The following PCDH15 variants were observed in gnomAD, a reference collection of about 807,000 sequenced individuals.
PCDH15 encodes the protein protocadherin related 15.
A neutral mutation model predicts 178.5 loss-of-function variants in PCDH15; 129 were observed. The ratio of observed to expected loss-of-function variants is 0.72; its 90% CI spans 0.63 to 0.84. The LOEUF (loss-of-function observed/expected upper bound fraction) is 0.84, where lower values mean the gene tolerates loss of function less well. Ranked by LOEUF, PCDH15 falls within the 40% of genes least tolerant of loss-of-function variation. The pLI, the probability that PCDH15 is intolerant of heterozygous loss-of-function variation, is 0.00. For synonymous variants in PCDH15, 800 were observed against 732.0 expected (o/e 1.09, Z -1.50); for missense variants, 2,230 against 2,099.9 (o/e 1.06, Z -1.21).
chr10:54,734,684 C>T (rs987207409), intron 1 of PCDH15, among the ~76,000 whole-genome samples: 4 of 151,820 alleles, frequency 2.6e-5, no homozygotes, highest in Non-Finnish European at 5.9e-5. Context: ...GAAAAATGAG[C>T]TCTGGTAATC....
chr10:54,603,891 G>A (rs971701124), intron 2 of PCDH15, among the ~76,000 whole-genome samples: 1 of 152,010 alleles, frequency 6.6e-6, no homozygotes, highest in Non-Finnish European at 1.5e-5. Context: ...TAGTGCATTG[G>A]CAATGGAAAA....
intron 1 of PCDH15, among the ~76,000 whole-genome samples, chr10:54,689,802 T>C (rs2095083330): frequency 6.6e-6 from 1 of 152,190 alleles, no homozygotes; most frequent in African/African-American, 2.4e-5. Flanking sequence ...GAGTGTGCTC[T>C]ATAAGACAAG....
At chr10:54,622,632 A>AT (rs2093401286) in intron 2 of PCDH15, among the ~76,000 whole-genome samples, 1 of 41,898 alleles carries the variant, frequency 2.4e-5, no homozygotes, top group African/African-American at 1.0e-4. Flanking sequence ...TATATAATAT[A>AT]TATTATATAA....
At chr10:53,904,274 CA>C (rs2082521605) in intron 25 of PCDH15, among the ~76,000 whole-genome samples, 1 of 152,030 alleles carries the variant, frequency 6.6e-6, no homozygotes, top group Non-Finnish European at 1.5e-5. Flanking sequence ...CAGTTATGAA[CA>C]AACGGCAATT....
chr10:54,821,051 A>C (rs1287010554), intron 3 of PCDH15, among the ~76,000 whole-genome samples: 1 of 152,036 alleles, frequency 6.6e-6, no homozygotes, highest in Non-Finnish European at 1.5e-5. Context: ...AATTCTTTGC[A>C]CTTCTACTTA....
intron 1 of PCDH15, among the ~76,000 whole-genome samples, chr10:54,798,796 TA>T (rs1952331596): frequency 6.6e-6 from 1 of 152,082 alleles, no homozygotes. Flanking sequence ...CAATAAAATG[TA>T]AATGTATATG....
At chr10:54,372,364 C>G (rs147041507) in intron 4 of PCDH15, among the ~76,000 whole-genome samples, 38 of 151,940 alleles carry the variant, frequency 2.5e-4, no homozygotes, top group African/African-American at 8.9e-4. Flanking sequence ...AACCAGGTCA[C>G]CTGGAACAGT....
intron 2 of PCDH15, among the ~76,000 whole-genome samples, chr10:54,950,800 C>G (rs1198663086): frequency 6.6e-6 from 1 of 151,846 alleles, no homozygotes; most frequent in East Asian, 1.9e-4. Context: ...GATTACAATA[C>G]AAGACAAGAT....
intron 3 of PCDH15, among the ~76,000 whole-genome samples, chr10:54,847,111 C>T (rs563931455): frequency 2.0e-5 from 3 of 152,260 alleles, no homozygotes; most frequent in Admixed American, 6.5e-5. Flanking sequence ...ATTTTACTAA[C>T]TGCTCCCTAC....
At chr10:53,933,402 C>A (rs1017768319) in intron 25 of PCDH15, among the ~76,000 whole-genome samples, 20 of 151,604 alleles carry the variant, frequency 1.3e-4, no homozygotes, top group African/African-American at 4.6e-4. Flanking sequence ...CAATTCCCAC[C>A]TATGAGTGAG....
chr10:54,263,212 G>A (rs1332391300), intron 8 of PCDH15, among the ~76,000 whole-genome samples: 1 of 152,152 alleles, frequency 6.6e-6, no homozygotes, highest in South Asian at 2.1e-4. Flanking sequence ...GGTCTCTGGA[G>A]AGTTGTGTCC....
rs571966491 is a variant in PCDH15, at chr10:54,201,216, A to G, written c.1099-5327T>C. 4.6e-5 allele frequency among the ~76,000 whole-genome samples: 7 copies of G among 152,304 alleles called. No homozygotes were observed. In the South Asian group the frequency reaches 1.4e-3, roughly 32 times the overall value. On this transcript the variant is annotated intron_variant, in intron 10 of 37. Coordinates refer to ENST00000644397, the MANE Select transcript of PCDH15 (RefSeq NM_001384140.1). ...GTTCCATCTTCTCATTTCACAATACAGTATTAGCAGATTATATATGCCAAG... is the reference window on the plus strand; with the variant it reads ...GTTCCATCTTCTCATTTCACAATACGGTATTAGCAGATTATATATGCCAAG...
At chr10:54,484,340 G>A (rs1271242567) in intron 3 of PCDH15, among the ~76,000 whole-genome samples, 2 of 151,798 alleles carry the variant, frequency 1.3e-5, no homozygotes, top group South Asian at 2.1e-4. Flanking sequence ...TGCACTCAAG[G>A]GACTCACTCA....
intron 21 of PCDH15, among the ~76,000 whole-genome samples, chr10:53,983,013 CTTA>C (rs1159529883): frequency 2.0e-5 from 3 of 151,946 alleles, no homozygotes; most frequent in Non-Finnish European, 2.9e-5. Flanking sequence ...GAATACCAAA[CTTA>C]TTATTATCAT....
intron 26 of PCDH15, among the ~76,000 whole-genome samples, chr10:53,879,952 G>A (rs1037772103): frequency 7.9e-5 from 12 of 152,152 alleles, no homozygotes; most frequent in Non-Finnish European, 1.5e-4. Flanking sequence ...GCGGCTAGCC[G>A]TAACTTTATA....
At chr10:54,896,567 T>C (rs1429740382) in intron 3 of PCDH15, among the ~76,000 whole-genome samples, 2 of 151,618 alleles carry the variant, frequency 1.3e-5, no homozygotes. Context: ...GTAATATGAA[T>C]GCCAAGTCAT....
chr10:55,059,203 T>TA (rs942118612), intron 2 of PCDH15, among the ~76,000 whole-genome samples: 7 of 151,980 alleles, frequency 4.6e-5, no homozygotes, highest in Non-Finnish European at 8.8e-5. Context: ...TGTGACTATA[T>TA]AAAAAAAGGA....
In PCDH15 at chr10:54,880,632, A is replaced by G. The variant is rs193188361; in HGVS notation, c.-29+16818T>C. ...TAAAAAAAAACTTGTTCAAAATAAT[A>G]TATTTTTAGTTGGAATGAAAACTGA... is the stretch of plus-strand genomic sequence containing the variant. On this transcript the variant is annotated intron_variant, in intron 3 of 5. Transcript: ENST00000458638. 1.3e-3 allele frequency among the ~76,000 whole-genome samples: 192 copies of G among 151,932 alleles called. 2 individuals are homozygous for G. The highest frequency in any genetic ancestry group is 2.3e-3 in the Non-Finnish European group (154 of 67,960).
intron 2 of PCDH15, among the ~76,000 whole-genome samples, chr10:54,999,879 C>T (rs530805751): frequency 5.3e-4 from 81 of 152,248 alleles, no homozygotes; most frequent in Non-Finnish European, 4.9e-4. Flanking sequence ...TTCCGTGTTG[C>T]CCCCTGAGCT....
Sources: gnomAD v4.1 joint callset for allele counts (sites outside exome capture counted in the v4.1 genomes callset) on GRCh38, gnomAD v4.1.1 for gene constraint, MANE v1.5 for transcripts, NCBI Gene and HGNC (gene_info 2026-07-23, HGNC 2026-07-21) for gene names.